The following ZMIZ1 variants were observed in gnomAD, a reference collection of about 807,000 sequenced individuals.
ZMIZ1 encodes zinc finger MIZ-type containing 1, also known as zinc finger MIZ domain-containing protein 1.
In ZMIZ1, 17 loss-of-function variants were observed where a neutral mutation model predicts 113.9. The ratio of observed to expected loss-of-function variants is 0.15; its 90% CI spans 0.10 to 0.22. The LOEUF is 0.22. Ranked by LOEUF, ZMIZ1 falls within the 10% of genes least tolerant of loss-of-function variation. The pLI, the probability that ZMIZ1 is intolerant of heterozygous loss-of-function variation, is 1.00. For synonymous variants in ZMIZ1, 607 were observed against 603.1 expected (o/e 1.01, Z -0.09); for missense variants, 1,059 against 1,477.8 (o/e 0.72, Z 4.65).
At chr10:79,143,013 A>G (rs1845340526) in intron 3 of ZMIZ1, among the ~76,000 whole-genome samples, 1 of 152,166 alleles carries the variant, frequency 6.6e-6, no homozygotes, top group South Asian at 2.1e-4. Context: ...TTGGTGGGCA[A>G]TCATATACGT....
intron 7 of ZMIZ1, among the ~76,000 whole-genome samples, chr10:79,216,907 A>C (rs1341348982): frequency 6.6e-6 from 1 of 152,224 alleles, no homozygotes; most frequent in Non-Finnish European, 1.5e-5. Context: ...GCCAAGCAGC[A>C]TTCTGTCTGG....
chr10:79,137,348 A>G (rs1308988801), intron 2 of ZMIZ1, among the ~76,000 whole-genome samples: 1 of 152,196 alleles, frequency 6.6e-6, no homozygotes, highest in Non-Finnish European at 1.5e-5. Context: ...AGACAAAGGA[A>G]AATGGGTACC....
intron 2 of ZMIZ1, among the ~76,000 whole-genome samples, chr10:79,133,674 CT>C (rs1402201173): frequency 6.6e-6 from 1 of 152,206 alleles, no homozygotes; most frequent in African/African-American, 2.4e-5. Context: ...AAGCACCCCC[CT>C]CCCCCTTATT....
intron 2 of ZMIZ1, among the ~76,000 whole-genome samples, chr10:79,127,568 C>T (rs766681164): frequency 1.3e-3 from 150 of 116,834 alleles, no homozygotes; most frequent in Non-Finnish European, 7.0e-4. Context: ...TGGGCTGGGG[C>T]GGGGTGGGGA....
intron 7 of ZMIZ1, among the ~76,000 whole-genome samples, chr10:79,226,676 G>A (rs1233042501): frequency 6.6e-6 from 1 of 152,202 alleles, no homozygotes; most frequent in Non-Finnish European, 1.5e-5. Flanking sequence ...GCAGGGCCTC[G>A]GTAGAAGGTG....
chr10:79,088,489 G>A (rs1187257728), intron 1 of ZMIZ1, among the ~76,000 whole-genome samples: 1 of 152,226 alleles, frequency 6.6e-6, no homozygotes, highest in Non-Finnish European at 1.5e-5. Flanking sequence ...CACGGCCCTG[G>A]GTTCTTTCGG....
intron 7 of ZMIZ1, among the ~76,000 whole-genome samples, chr10:79,265,463 CTTTTCTTTTTTT>C (rs1052574818): frequency 3.0e-5 from 4 of 131,732 alleles, no homozygotes; most frequent in African/African-American, 1.3e-4. Context: ...CCTTTTTTTT[CTTTTCTTTTTTT>C]TTTTTTTTTT....
chr10:79,299,510 G>T (rs375512904), intron 16 of ZMIZ1, among the ~76,000 whole-genome samples: 29 of 152,236 alleles, frequency 1.9e-4, no homozygotes, highest in African/African-American at 6.8e-4. Context: ...AAGAGGGAAC[G>T]CAGTCAAGAA....
chr10:79,139,556 G>A (rs1398333975), intron 2 of ZMIZ1, 126 bp from the exon 3 acceptor site: 17 of 396,598 alleles, frequency 4.3e-5, no homozygotes, highest in East Asian at 7.1e-5. Flanking sequence ...CAGGCATCCC[G>A]GGGTGTGCTT....
At chr10:79,267,047 T>TC (rs1211521917) in intron 7 of ZMIZ1, among the ~76,000 whole-genome samples, 1 of 151,938 alleles carries the variant, frequency 6.6e-6, no homozygotes, top group Non-Finnish European at 1.5e-5. Flanking sequence ...AGCTGCAAAG[T>TC]CCCCCCAGCC....
intron 2 of ZMIZ1, among the ~76,000 whole-genome samples, chr10:79,130,268 C>T (rs553861473): frequency 1.4e-4 from 22 of 152,232 alleles, no homozygotes; most frequent in Admixed American, 4.6e-4. Flanking sequence ...CCTTACTGAG[C>T]TCAGAAAGGC....
intron 1 of ZMIZ1, among the ~76,000 whole-genome samples, chr10:79,092,322 TTCC>T (rs1843007430): frequency 6.6e-6 from 1 of 152,244 alleles, no homozygotes; most frequent in African/African-American, 2.4e-5. Flanking sequence ...GGCTGCTGGC[TTCC>T]CTCTGTTCTC....
chr10:79,246,827 A>C (rs1589481096), intron 7 of ZMIZ1, among the ~76,000 whole-genome samples: 1 of 152,232 alleles, frequency 6.6e-6, no homozygotes, highest in Non-Finnish European at 1.5e-5. Context: ...CAGACACCAC[A>C]GGCAGGGAAG....
chr10:79,072,899 T>G (rs944219056), intron 1 of ZMIZ1, among the ~76,000 whole-genome samples: 2 of 152,302 alleles, frequency 1.3e-5, no homozygotes, highest in South Asian at 4.1e-4. Context: ...CTCATGCCCT[T>G]TGGGGGAGTG....
At chr10:79,132,534 C>T (rs1844816082) in intron 2 of ZMIZ1, among the ~76,000 whole-genome samples, 1 of 152,258 alleles carries the variant, frequency 6.6e-6, no homozygotes, top group Admixed American at 6.5e-5. Context: ...GTTTGGACAA[C>T]CCATGCCCGT....
At chr10:79,298,777 C>A (rs1030574984) in intron 15 of ZMIZ1, among the ~76,000 whole-genome samples, 197 bp downstream of exon 15, 4 of 152,196 alleles carry the variant, frequency 2.6e-5, no homozygotes, top group Non-Finnish European at 5.9e-5. Context: ...TGCCTGGGCG[C>A]CTGGAGGCTG....
chr10:79,122,635 G>A (rs1439918658), intron 2 of ZMIZ1, among the ~76,000 whole-genome samples: 1 of 152,138 alleles, frequency 6.6e-6, no homozygotes, highest in Non-Finnish European at 1.5e-5. Context: ...TTCAGTAGCT[G>A]CAATGACCTC....
chr10:79,146,001 C>T (rs1845466393), intron 3 of ZMIZ1, among the ~76,000 whole-genome samples: 3 of 152,216 alleles, frequency 2.0e-5, no homozygotes, highest in Admixed American at 2.0e-4. Flanking sequence ...AGCTGCCACA[C>T]CCAGCCCAGG....
intron 7 of ZMIZ1, chr10:79,243,670 G>T (rs1850009735): frequency 3.3e-6 from 1 of 301,088 alleles, no homozygotes; most frequent in South Asian, 2.3e-5. Context: ...CGCTCGCCGC[G>T]GCCGCCGCCG....
Sources: allele counts gnomAD v4.1 joint callset (sites outside exome capture counted in the v4.1 genomes callset), GRCh38; gene constraint gnomAD v4.1.1; transcripts MANE v1.5; gene names NCBI Gene and HGNC (gene_info 2026-07-23, HGNC 2026-07-21).